GABRB1: variants seen among roughly 807,000 people sequenced by gnomAD.
The protein encoded by GABRB1 is gamma-aminobutyric acid receptor subunit beta-1.
A neutral mutation model predicts 51.6 loss-of-function variants in GABRB1; 17 were observed. That is an observed-to-expected ratio of 0.33 (90% CI 0.23 to 0.49). GABRB1 has a LOEUF of 0.49. GABRB1 is among the 20% of genes least tolerant of loss of function. GABRB1 has a pLI of 0.99. For missense variants in GABRB1, 410 were observed against 600.6 expected (o/e 0.68, Z 3.32); for synonymous variants, 247 against 218.9 (o/e 1.13, Z -1.14).
intron 4 of GABRB1, among the ~76,000 whole-genome samples, chr4:47,269,987 G>C (rs1578051155): frequency 8.6e-6 from 1 of 116,150 alleles, no homozygotes; most frequent in East Asian, 2.6e-4. Flanking sequence ...GGCTGAGTCT[G>C]ATGACTCTTA....
At chr4:47,023,829 A>G (rs1179327128) in intron 1 of GABRB1, among the ~76,000 whole-genome samples, 1 of 151,898 alleles carries the variant, frequency 6.6e-6, no homozygotes, top group Non-Finnish European at 1.5e-5. Flanking sequence ...AGAAAAATGA[A>G]AAAAATTGAG....
chr4:47,260,918 C>G (rs1722407652), intron 4 of GABRB1, among the ~76,000 whole-genome samples: 1 of 152,040 alleles, frequency 6.6e-6, no homozygotes, highest in African/African-American at 2.4e-5. Context: ...TAAATGTAAT[C>G]CAGCATATAA....
intron 3 of GABRB1, among the ~76,000 whole-genome samples, chr4:47,097,871 C>T (rs1230790137): frequency 6.6e-6 from 1 of 152,098 alleles, no homozygotes; most frequent in East Asian, 1.9e-4. Context: ...ATTACTTAGG[C>T]TCACAATTAG....
rs374940801 is a variant in GABRB1, at chr4:47,299,084, T to C, written c.462-21043T>C. 1.1e-4 allele frequency among the ~76,000 whole-genome samples: 16 copies of C among 151,000 alleles called. No individual in the cohort carries two copies. The East Asian group carries it at 1.5e-3, about 15-fold the overall frequency. On this transcript the variant is annotated intron_variant, in intron 4 of 8. Transcript: ENST00000295454. ...CCTTCCTTACACCTTATACAAAAAT[T>C]AATTCAAGATGGATTAAAGATTTAA... is the stretch of plus-strand genomic sequence containing the variant.
At chr4:47,229,379 A>T (rs184492875) in intron 4 of GABRB1, among the ~76,000 whole-genome samples, 1 of 152,174 alleles carries the variant, frequency 6.6e-6, no homozygotes, top group East Asian at 1.9e-4. Flanking sequence ...TTTGGCACAC[A>T]TGCATTACCA....
At chr4:47,216,876 T>TATA (rs1720575836) in intron 4 of GABRB1, among the ~76,000 whole-genome samples, 1 of 151,946 alleles carries the variant, frequency 6.6e-6, no homozygotes, top group Non-Finnish European at 1.5e-5. Context: ...CTCACACATG[T>TATA]GTTTGAAAAG....
intron 3 of GABRB1, among the ~76,000 whole-genome samples, chr4:47,051,950 G>C (rs1288247670): frequency 6.6e-6 from 1 of 152,106 alleles, no homozygotes; most frequent in Admixed American, 6.6e-5. Flanking sequence ...CCAATATGGT[G>C]AGAGCCCGTC....
intron 4 of GABRB1, among the ~76,000 whole-genome samples, chr4:47,262,276 A>G (rs1202524496): frequency 6.6e-6 from 1 of 152,158 alleles, no homozygotes; most frequent in Non-Finnish European, 1.5e-5. Flanking sequence ...ATGGGAGAAA[A>G]TTTTCGCAAA....
chr4:47,350,183 T>TTATATATATATA (rs367708916), intron 5 of GABRB1, among the ~76,000 whole-genome samples: 8 of 87,732 alleles, frequency 9.1e-5, no homozygotes, highest in South Asian at 4.9e-4. Context: ...TGGGCTCAGA[T>TTATATATATATA]TATATATATA....
At position 47,301,537 on chromosome 4, in the gene GABRB1, G is replaced by C. The variant is rs567648781; in HGVS notation, c.462-18590G>C. ...TAGTCCCAGCTACTTGGGAGACTAA[G>C]GTCAGGGGATCGCTTGAGCCCAGGA... is the stretch of plus-strand genomic sequence containing the variant. On this transcript the variant is annotated intron_variant, in intron 4 of 8. Coordinates refer to ENST00000295454, the MANE Select transcript of GABRB1 (RefSeq NM_000812.4). Among the ~76,000 whole-genome samples, 6 of 151,758 alleles carry C rather than the reference G, an allele frequency of 4.0e-5. No individual in the cohort carries two copies. In the South Asian group the frequency reaches 1.0e-3, roughly 26 times the overall value.
At chr4:47,420,791 G>T (rs968376588) in intron 8 of GABRB1, among the ~76,000 whole-genome samples, 5 of 152,176 alleles carry the variant, frequency 3.3e-5, no homozygotes, top group African/African-American at 1.2e-4. Context: ...TCTCCAAGGG[G>T]AATGGGTTAC....
At chr4:47,129,998 G>A (rs533699178) in intron 3 of GABRB1, among the ~76,000 whole-genome samples, 10 of 152,076 alleles carry the variant, frequency 6.6e-5, no homozygotes, top group South Asian at 2.1e-4. Context: ...TTCAATTTTC[G>A]CAAAGTATAT....
chr4:47,412,902 T>C (rs1728804098), intron 8 of GABRB1, among the ~76,000 whole-genome samples: 1 of 152,220 alleles, frequency 6.6e-6, no homozygotes, highest in East Asian at 1.9e-4. Context: ...TTGCATAGCA[T>C]GTGAAAAAGC....
At chr4:47,256,032 G>A (rs930166592) in intron 4 of GABRB1, among the ~76,000 whole-genome samples, 2 of 152,212 alleles carry the variant, frequency 1.3e-5, no homozygotes, top group Admixed American at 6.5e-5. Flanking sequence ...AGAAGGATCA[G>A]TGCCACACTA....
At chr4:47,252,076 C>T (rs1722011141) in intron 4 of GABRB1, among the ~76,000 whole-genome samples, 1 of 146,484 alleles carries the variant, frequency 6.8e-6, no homozygotes, top group Admixed American at 6.9e-5. Context: ...GTGTTCCCGC[C>T]ACCGCCCCCC....
chr4:47,322,775 A>G (rs1206205047), intron 5 of GABRB1, among the ~76,000 whole-genome samples: 1 of 152,150 alleles, frequency 6.6e-6, no homozygotes, highest in Non-Finnish European at 1.5e-5. Context: ...GTTCGAGACC[A>G]GCCTGACAAA....
intron 1 of GABRB1, chr4:46,994,452 G>A (rs3762608): frequency 0.08 from 11,937 of 149,458 alleles, 571 homozygotes; most frequent in South Asian, 0.19. Flanking sequence ...AGTGGGGGGG[G>A]AAAGAGAAAA....
At chr4:47,416,453 CT>C (rs770636868) in intron 8 of GABRB1, among the ~76,000 whole-genome samples, 1,689 of 141,876 alleles carry the variant, frequency 0.012, 20 homozygotes, top group African/African-American at 0.034. Context: ...ATTTGTTTTA[CT>C]TTTTTTTTTT....
chr4:47,400,606 G>A (rs1258163665), intron 5 of GABRB1, among the ~76,000 whole-genome samples: 1 of 150,352 alleles, frequency 6.7e-6, no homozygotes, highest in East Asian at 1.9e-4. Context: ...TAGCTTTAGG[G>A]GTTTTTACTT....
Sources: gnomAD v4.1 joint callset for allele counts (sites outside exome capture counted in the v4.1 genomes callset) on GRCh38, gnomAD v4.1.1 for gene constraint, MANE v1.5 for transcripts, NCBI Gene and HGNC (gene_info 2026-07-23, HGNC 2026-07-21) for gene names.